Variants in SUMF1 observed in about 807,000 individuals in gnomAD.
The protein encoded by SUMF1 is sulfatase modifying factor 1, also known as formylglycine-generating enzyme.
A neutral mutation model predicts 47.6 loss-of-function variants in SUMF1; 48 were observed. The observed-to-expected ratio is 1.01, with a 90% CI of 0.80 to 1.28. SUMF1 has a LOEUF of 1.28. Ranked by LOEUF, SUMF1 falls within the 50% of genes most tolerant of loss-of-function variation. SUMF1 has a pLI of 0.00. For synonymous variants in SUMF1, 230 were observed against 192.1 expected (o/e 1.20, Z -1.63); for missense variants, 571 against 485.4 (o/e 1.18, Z -1.66).
At chr3:4,196,582 G>C (rs546059688) in intron 8 of SUMF1, among the ~76,000 whole-genome samples, 1 of 152,224 alleles carries the variant, frequency 6.6e-6, no homozygotes, top group African/African-American at 2.4e-5. Flanking sequence ...GCACTTCCCA[G>C]ACATCTGCAT....
At chr3:4,167,444 T>C (rs1694733864) in intron 8 of SUMF1, among the ~76,000 whole-genome samples, 2 of 152,174 alleles carry the variant, frequency 1.3e-5, no homozygotes, top group African/African-American at 4.8e-5. Context: ...GAGTGCTGAT[T>C]GGTCCATTTT....
intron 7 of SUMF1, among the ~76,000 whole-genome samples, chr3:4,405,810 T>G (rs935855203): frequency 3.3e-5 from 5 of 152,170 alleles, no homozygotes; most frequent in Non-Finnish European, 5.9e-5. Flanking sequence ...CAAAACAAAC[T>G]GAATCTCTGG....
chr3:4,271,465 CTA>C (rs1491284837), intron 8 of SUMF1, among the ~76,000 whole-genome samples: 6 of 135,886 alleles, frequency 4.4e-5, no homozygotes, highest in Non-Finnish European at 9.5e-5. Context: ...TTTATACTAT[CTA>C]TAGATAGATA....
intron 8 of SUMF1, among the ~76,000 whole-genome samples, chr3:4,213,957 G>A (rs1268915442): frequency 5.3e-5 from 8 of 152,022 alleles, no homozygotes; most frequent in African/African-American, 1.9e-4. Flanking sequence ...ACACGATAAT[G>A]ATGGGAGACT....
intron 9 of SUMF1, among the ~76,000 whole-genome samples, chr3:4,053,862 G>A (rs1695152369): frequency 6.6e-6 from 1 of 152,026 alleles, no homozygotes; most frequent in African/African-American, 2.4e-5. Flanking sequence ...TGTGAAATAT[G>A]GATAAACTTA....
intron 8 of SUMF1, among the ~76,000 whole-genome samples, chr3:4,131,282 G>C (rs1056020785): frequency 1.3e-5 from 2 of 152,132 alleles, no homozygotes; most frequent in Non-Finnish European, 2.9e-5. Flanking sequence ...AGTTACATAA[G>C]GAATTGGCTC....
chr3:4,068,872 C>A, intron 8 of SUMF1: 1 of 222,812 alleles, frequency 4.5e-6, no homozygotes, highest in Non-Finnish European at 9.3e-6. Context: ...TTATAACAAA[C>A]TACAACGAAA....
At chr3:4,138,356 T>C (rs1693993183) in intron 8 of SUMF1, among the ~76,000 whole-genome samples, 1 of 152,138 alleles carries the variant, frequency 6.6e-6, no homozygotes, top group Admixed American at 6.6e-5. Flanking sequence ...TCCTGCCTAA[T>C]AGGAATATCT....
chr3:4,117,511 C>T (rs1392123922), intron 8 of SUMF1, among the ~76,000 whole-genome samples: 3 of 151,870 alleles, frequency 2.0e-5, no homozygotes, highest in Admixed American at 6.6e-5. Flanking sequence ...CTTCCTTTTT[C>T]GGAGGGGAAG....
At chr3:4,458,612 T>A (rs1184894583) in intron 1 of SUMF1, among the ~76,000 whole-genome samples, 1 of 152,116 alleles carries the variant, frequency 6.6e-6, no homozygotes. Context: ...TCCCAGCACT[T>A]TGGGAGGCCG....
chr3:4,376,884 C>G (rs2124848841), intron 7 of SUMF1, among the ~76,000 whole-genome samples: 1 of 152,282 alleles, frequency 6.6e-6, no homozygotes, highest in African/African-American at 2.4e-5. Flanking sequence ...CAGCCTTGAC[C>G]ACCTGGGCTC....
intron 1 of SUMF1, 111 bp from the exon 2 acceptor site, chr3:4,453,160 C>T (rs751451634): frequency 1.6e-5 from 18 of 1,094,882 alleles, no homozygotes; most frequent in Non-Finnish European, 2.3e-5. Flanking sequence ...ATCTTCACCA[C>T]AGTAATAACT....
intron 8 of SUMF1, among the ~76,000 whole-genome samples, chr3:4,069,517 G>A (rs982532816): frequency 6.6e-6 from 1 of 152,134 alleles, no homozygotes; most frequent in African/African-American, 2.4e-5. Flanking sequence ...CAATCTATGT[G>A]CCCTCTTCCA....
chr3:4,074,268 A>T (rs966982690), intron 8 of SUMF1, among the ~76,000 whole-genome samples: 3 of 152,210 alleles, frequency 2.0e-5, no homozygotes, highest in Middle Eastern at 3.2e-3. Context: ...GAAGGCAGAA[A>T]TAAAGATATT....
chr3:4,432,104 T>C (rs141536828), intron 3 of SUMF1, among the ~76,000 whole-genome samples: 88 of 152,116 alleles, frequency 5.8e-4, no homozygotes, highest in African/African-American at 2.0e-3. Context: ...TCTTTTTCCA[T>C]CATCTTTCAG....
In SUMF1 at chr3:4,452,934, T is replaced by C. The variant is rs1353844043; in HGVS notation, c.386A>G (p.Tyr129Cys). 7 of 1,614,206 alleles carry C rather than the reference T, an allele frequency of 4.3e-6. No homozygotes were observed. Among genetic ancestry groups the C allele is most frequent in the African/African-American group, 1.3e-5 (1 of 75,054 alleles). Residue 129 changes from tyrosine (Y) to cysteine (C), a missense_variant, in exon 2 of 9, where the codon TAT becomes TGT. Coordinates refer to ENST00000272902, the MANE Select transcript of SUMF1 (RefSeq NM_182760.4). ...CTCAAATTCAGTATTACTGACTTCA[T>C]AGGCATCCATGTAAAAGGCATCAAT... ...VTIDAFYMDA[Y>C]EVSNTEFEKF...
intron 8 of SUMF1, among the ~76,000 whole-genome samples, chr3:4,180,816 G>A (rs550171982): frequency 4.0e-4 from 60 of 151,398 alleles, no homozygotes; most frequent in African/African-American, 1.3e-3. Flanking sequence ...TCACACCACT[G>A]CACTCCAGCC....
intron 8 of SUMF1, among the ~76,000 whole-genome samples, chr3:4,105,694 T>C (rs1421131561): frequency 6.6e-6 from 1 of 152,038 alleles, no homozygotes; most frequent in African/African-American, 2.4e-5. Context: ...GGAACTAAAA[T>C]TTTTTTGTTA....
intron 8 of SUMF1, among the ~76,000 whole-genome samples, chr3:4,330,983 A>G (rs1559228766): frequency 6.6e-6 from 1 of 152,228 alleles, no homozygotes; most frequent in Admixed American, 6.5e-5. Flanking sequence ...AGACTCTAAT[A>G]TCAATGTGCT....
Sources: gnomAD v4.1 joint callset for allele counts (sites outside exome capture counted in the v4.1 genomes callset) on GRCh38, gnomAD v4.1.1 for gene constraint, MANE v1.5 for transcripts, NCBI Gene and HGNC (gene_info 2026-07-23, HGNC 2026-07-21) for gene names.